The following TMEM40 variants were observed in gnomAD, a reference collection of about 807,000 sequenced individuals.
The protein encoded by TMEM40 is transmembrane protein 40.
A neutral mutation model predicts 40.8 loss-of-function variants in TMEM40; 34 were observed. The observed-to-expected ratio is 0.83, with a 90% CI of 0.63 to 1.11. The LOEUF is 1.11. TMEM40 is among the 50% of genes least tolerant of loss of function. The pLI is 0.00. For synonymous variants in TMEM40, 106 were observed against 107.0 expected, an observed-to-expected ratio of 0.99 and a Z score of 0.06; for missense variants, 296 against 280.2, an observed-to-expected ratio of 1.06 and a Z score of -0.40.
chr3:12,748,656 T>TGAG lies in TMEM40; in HGVS notation c.207_209dup (p.Ser70dup), dbSNP rs749687247. 6 of 1,610,744 alleles carry TGAG rather than the reference T, an allele frequency of 3.7e-6. No individual in the cohort carries two copies. Among genetic ancestry groups the TGAG allele is most frequent in the East Asian group, 2.2e-5 (1 of 44,864 alleles). The stretch of plus-strand genomic sequence containing the variant: ...CATATATTTAAATCTCTGCTATACC[T>TGAG]GAGGAGGAGGAGGATGAAGAAGATG... On this transcript the variant is annotated inframe_insertion and splice_region_variant, in exon 3 of 12. Transcript: ENST00000314124.
upstream of TMEM40, among the ~76,000 whole-genome samples, chr3:12,762,547 A>G (rs1354828885): frequency 6.6e-6 from 1 of 152,172 alleles, no homozygotes; most frequent in African/African-American, 2.4e-5. Flanking sequence ...TGTTCAGTTC[A>G]GCATAAGCAC....
intron 1 of TMEM40, among the ~76,000 whole-genome samples, chr3:12,755,802 C>T (rs777146209): frequency 4.6e-5 from 7 of 152,194 alleles, no homozygotes; most frequent in Admixed American, 3.3e-4. Context: ...TCTTCCTTTT[C>T]TCTACATCCA....
In TMEM40 at chr3:12,734,032, GT is replaced by G. The variant is rs1417239478; in HGVS notation, c.*741del. 6.6e-6 allele frequency: 1 copy of G among 151,624 alleles called. No homozygotes were observed. Among genetic ancestry groups the G allele is most frequent in the African/African-American group, 2.4e-5 (1 of 41,212 alleles). The allele number at this position is 151,624 out of a possible 1,614,324, so 9.4% of individuals were successfully genotyped here. On this transcript the variant is annotated 3_prime_UTR_variant, in exon 12 of 12. Coordinates refer to ENST00000314124, the MANE Select transcript of TMEM40 (RefSeq NM_018306.4). Reference sequence around the variant, plus strand: ...CAGTCCTCCTGCCTCAGCCTCTTGAGTAGCTGGAACCGCAGGTATGTACAGG... The same window carrying G: ...CAGTCCTCCTGCCTCAGCCTCTTGAGAGCTGGAACCGCAGGTATGTACAGG...
intron 1 of TMEM40, among the ~76,000 whole-genome samples, chr3:12,755,805 T>C (rs2061522928): frequency 6.6e-6 from 1 of 152,172 alleles, no homozygotes; most frequent in African/African-American, 2.4e-5. Flanking sequence ...TCCTTTTCTC[T>C]ACATCCAGAC....
rs759243337 is a variant in TMEM40 at position 12,743,971 on chromosome 3, T to C, written c.230A>G (p.Gln77Arg). Residue 77 changes from glutamine (Q) to arginine (R), a missense_variant, in exon 4 of 12, where the codon CAG (glutamine) becomes CGG (arginine). Transcript: ENST00000314124. ...SSSSESNDED[Q>R]QPRATGKHRR... ...ATGTTTTCCGGTTGCTCTGGGTTGC[T>C]GGTCCTCATCATTGCTCTCTGCGGG... 6.2e-7 allele frequency: 1 copy of C among 1,613,008 alleles called. No individual in the cohort carries two copies. The highest frequency in any genetic ancestry group is 8.5e-7 in the Non-Finnish European group (1 of 1,179,620).
At position 12,743,320 on chromosome 3, in the gene TMEM40, A is replaced by G. The variant is rs555022144; in HGVS notation, c.301+580T>C. Among the ~76,000 whole-genome samples the G allele has an allele frequency of 1.1e-4, 17 of 152,270 alleles. No individual in the cohort carries two copies. In the Middle Eastern group the frequency reaches 0.01, roughly 91 times the overall value. On this transcript the variant is annotated intron_variant, in intron 4 of 11. Transcript: ENST00000314124. ...CTGTCTCTACTAAAAATACAAAATT[A>G]GCCAGGCATGGTGGCGCATGCCTGT...
upstream of TMEM40, among the ~76,000 whole-genome samples, chr3:12,763,991 C>T (rs974018063): frequency 1.3e-5 from 2 of 152,166 alleles, no homozygotes; most frequent in Non-Finnish European, 2.9e-5. Flanking sequence ...TTTCGGCTCA[C>T]TGCAGCCTCC....
chr3:12,737,642 T>G (rs2061347304), intron 8 of TMEM40, 65 bp downstream of exon 8: 1 of 1,506,016 alleles, frequency 6.6e-7, no homozygotes, highest in Admixed American at 1.7e-5. Context: ...GGCCACCAGC[T>G]GCATTTCACC....
At chr3:12,739,536 A>G (rs1383666988) in intron 5 of TMEM40, among the ~76,000 whole-genome samples, 1 of 151,762 alleles carries the variant, frequency 6.6e-6, no homozygotes, top group African/African-American at 2.4e-5. Flanking sequence ...CACCCACCTC[A>G]GCCTCCCAAA....
At chr3:12,748,035 C>T (rs191729010) in intron 3 of TMEM40, among the ~76,000 whole-genome samples, 4 of 151,994 alleles carry the variant, frequency 2.6e-5, no homozygotes, top group Non-Finnish European at 5.9e-5. Context: ...CAAAAGCTTT[C>T]GCACAAGGAT....
chr3:12,735,613 G>A lies in TMEM40; in HGVS notation c.624C>T (p.Tyr208=). 6 of 1,611,806 alleles carry A rather than the reference G, an allele frequency of 3.7e-6. No individual in the cohort carries two copies. Among genetic ancestry groups the A allele is most frequent in the Non-Finnish European group, 5.1e-6 (6 of 1,179,486 alleles). ...AGCCTTGGAGGACGCTGTGGATACGGTACACTGCTCAGAAGCAAAGAAAAA... is the reference window on the plus strand; with the variant it reads ...AGCCTTGGAGGACGCTGTGGATACGATACACTGCTCAGAAGCAAAGAAAAA... ...ETVGIYFGLV[Y]RIHSVLQGFI... is the part of the protein sequence containing the mutation. Residue 208 remains tyrosine, a synonymous_variant, in exon 11 of 12, where the codon TAC becomes TAT. Coordinates refer to ENST00000314124, the MANE Select transcript of TMEM40 (RefSeq NM_018306.4).
intron 1 of TMEM40, among the ~76,000 whole-genome samples, chr3:12,755,809 T>A (rs2061522946): frequency 6.6e-6 from 1 of 152,140 alleles, no homozygotes; most frequent in African/African-American, 2.4e-5. Flanking sequence ...TTTCTCTACA[T>A]CCAGACTATT....
At chr3:12,753,211 C>CTTTTT (rs56739791) in intron 1 of TMEM40, among the ~76,000 whole-genome samples, 153 of 76,294 alleles carry the variant, frequency 2.0e-3, no homozygotes, top group East Asian at 3.8e-3. Context: ...TTCTTTCTTT[C>CTTTTT]TTTTTTTTTT....
At chr3:12,753,211 CTTTTTTTTTTT>C (rs56739791) in intron 1 of TMEM40, among the ~76,000 whole-genome samples, 1 of 76,292 alleles carries the variant, frequency 1.3e-5, no homozygotes, top group Non-Finnish European at 2.3e-5. Flanking sequence ...TTCTTTCTTT[CTTTTTTTTTTT>C]TTTTTTTTTT....
At chr3:12,741,473 GACCAGAGGGGCCAATAC>G (rs981843591) in intron 5 of TMEM40, 10 of 152,230 alleles carry the variant, frequency 6.6e-5, no homozygotes, top group African/African-American at 2.2e-4. Context: ...TATGCAAAGT[GACCAGAGGGGCCAATAC>G]AGAGAGTGCA....
At chr3:12,737,926 C>T in intron 7 of TMEM40, 172 bp from the exon 8 acceptor site, 1 of 905,518 alleles carries the variant, frequency 1.1e-6, no homozygotes. Context: ...CTTGGAACCC[C>T]CACTGACTTC....
In TMEM40 at chr3:12,736,647, A is replaced by G. The variant is rs1164164101; in HGVS notation, c.550T>C (p.Phe184Leu). 4 of 1,603,776 alleles carry G rather than the reference A, an allele frequency of 2.5e-6. No individual in the cohort carries two copies. The African/African-American group carries it at 4.0e-5, about 16-fold the overall frequency. The change falls in exon 10 of 12, where the codon TTC becomes CTC. Residue 184 changes from phenylalanine to leucine, a missense_variant. Coordinates refer to ENST00000314124, the MANE Select transcript of TMEM40 (RefSeq NM_018306.4). ...AGCAGGCCGACCCCAAGAGACATGAACCAGTCTGGAAGGGCAGTGAGGGAG... is the reference window on the plus strand; with the variant it reads ...AGCAGGCCGACCCCAAGAGACATGAGCCAGTCTGGAAGGGCAGTGAGGGAG... ...LVCYHYYADW[F>L]MSLGVGLLTF...
At chr3:12,769,281 C>T (rs1229405803) in exon 1 of TMEM40, 2 of 413,328 alleles carry the variant, frequency 4.8e-6, no homozygotes, top group Non-Finnish European at 5.0e-6. Context: ...CCGGCTCCGG[C>T]CTCGGCCATC....
upstream of TMEM40, among the ~76,000 whole-genome samples, chr3:12,760,345 C>G (rs573618967): frequency 1.3e-4 from 20 of 152,282 alleles, 1 homozygote; most frequent in Middle Eastern, 6.8e-3. Flanking sequence ...CTTACAAGCC[C>G]CTGCGAGATC....
Sources: gnomAD v4.1 joint callset for allele counts (sites outside exome capture counted in the v4.1 genomes callset) on GRCh38, gnomAD v4.1.1 for gene constraint, MANE v1.5 for transcripts, NCBI Gene and HGNC (gene_info 2026-07-23, HGNC 2026-07-21) for gene names.